The following EOMES variants were observed in gnomAD, a reference collection of about 807,000 sequenced individuals.
The protein encoded by EOMES is eomesodermin homolog.
A neutral mutation model predicts 61.0 loss-of-function variants in EOMES; 18 were observed. That is an observed-to-expected ratio of 0.30 (90% confidence interval 0.20 to 0.44). EOMES has a LOEUF of 0.44. Ranked by LOEUF, EOMES falls within the 20% of genes least tolerant of loss-of-function variation. The pLI, the probability that EOMES is intolerant of heterozygous loss-of-function variation, is 1.00. For missense variants in EOMES, 885 were observed against 939.2 expected (o/e 0.94, Z 0.75); for synonymous variants, 430 against 394.0 (o/e 1.09, Z -1.08).
chr3:27,722,351 T>A, upstream of EOMES: 1 of 1,430,154 alleles, frequency 7.0e-7, no homozygotes, highest in Non-Finnish European at 9.1e-7. Flanking sequence ...GGCCTTATTA[T>A]AAAGGCAGGA....
Position 27,720,214 on chromosome 3 carries a change from C to T in EOMES, c.993G>A (p.Gly331=), listed in dbSNP as rs775427213. ...CTTTGCCACAGGTCACCCATTTGCC[C>T]CCCTGGAAGCGCCAGTGGTTGGGGT... ...LADPNHWRFQ[G]GKWVTCGKAD... The change falls in exon 2 of 6, where the codon GGG becomes GGA. Residue 331 remains glycine (G), a synonymous_variant. Coordinates refer to ENST00000449599, the MANE Select transcript of EOMES (RefSeq NM_001278182.2). 9.9e-6 allele frequency: 16 copies of T among 1,608,670 alleles called. No individual in the cohort carries two copies. The South Asian group carries it at 1.8e-4, about 18-fold the overall frequency.
Position 27,717,846 on chromosome 3 carries a change from AC to A in EOMES, c.1380-39del, listed in dbSNP as rs376762087. 0.026 allele frequency: 30,936 copies of A among 1,193,212 alleles called. 63 individuals are homozygous for A. Among genetic ancestry groups the A allele is most frequent in the East Asian group, 0.11 (2,891 of 27,062 alleles). The allele number at this position is 1,193,212 out of a possible 1,614,324, so 73.9% of individuals were successfully genotyped here. A position where few individuals can be genotyped will look rare whatever the true frequency, so the allele number is the denominator to read the frequency against. On this transcript the variant is annotated intron_variant, in intron 5 of 5. Transcript: ENST00000449599. The surrounding 1 kb of genome is among the most constrained non-coding windows in gnomAD (Gnocchi z 4.5). ...GAGAAACACTTAAAAAAAAAAAAAA[AC>A]CCTAATGTTGTCCCCAAACAAACCA... is the stretch of plus-strand genomic sequence containing the variant.
chr3:27,722,105 C>T lies in EOMES; in HGVS notation c.190G>A (p.Val64Met). 1.2e-5 allele frequency: 18 copies of T among 1,549,354 alleles called. No individual in the cohort carries two copies. Among genetic ancestry groups the T allele is most frequent in the Non-Finnish European group, 1.5e-5 (17 of 1,146,680 alleles). ...KFSGSLSCEA[V>M]SGEPAAASAG... ...CTGGCGGCTGCGGGCTCCCCGCTCA[C>T]CGCCTCGCAGGAGAGACTGCCGGAA... is the stretch of plus-strand genomic sequence containing the variant. Residue 64 changes from valine to methionine, a missense_variant, in exon 1 of 6, where the codon GTG becomes ATG. By Grantham distance (21) the Val-to-Met change is conservative (BLOSUM62 1). This residue lies in a region of EOMES where 449 missense variants were observed against 383.6 expected (regional missense o/e 1.17). Transcript: ENST00000449599.
chr3:27,716,756 C>T lies in EOMES; in HGVS notation c.*314G>A, dbSNP rs1255658592. 7.0e-6 allele frequency: 2 copies of T among 285,476 alleles called. No homozygotes were observed. Among genetic ancestry groups the T allele is most frequent in the African/African-American group, 4.3e-5 (2 of 46,074 alleles). The allele number at this position is 285,476 out of a possible 1,614,324, so 17.7% of individuals were successfully genotyped here. ...TAACTCATCTGATAGCACTGGGCAC[C>T]CAATGTTCACAGCCTGCTTCTTTGA... On this transcript the variant is annotated 3_prime_UTR_variant, in exon 6 of 6. Transcript: ENST00000449599.
intron 5 of EOMES, among the ~76,000 whole-genome samples, chr3:27,718,354 T>G (rs1576802838): frequency 6.6e-6 from 1 of 152,086 alleles, no homozygotes; most frequent in African/African-American, 2.4e-5. Flanking sequence ...TTCACTCAAA[T>G]GCTAAAAAAA....
In EOMES at chr3:27,717,196, C is replaced by G. The variant is rs1222504829; in HGVS notation, c.1992G>C (p.Leu664=). Residue 664 remains leucine, a synonymous_variant, in exon 6 of 6, where the codon CTG becomes CTC. Coordinates refer to ENST00000449599, the MANE Select transcript of EOMES (RefSeq NM_001278182.2). The surrounding 1 kb of genome is among the most constrained non-coding windows in gnomAD (Gnocchi z 4.5). The part of the protein sequence containing the change: ...VYTSACKRRR[L]SPSNSSNENS... ...TTTCATTACTGGAGTTGCTAGGAGACAGCCGCCTTCGCTTACAAGCACTGG... is the reference window on the plus strand; with the variant it reads ...TTTCATTACTGGAGTTGCTAGGAGAGAGCCGCCTTCGCTTACAAGCACTGG... 1.9e-6 allele frequency: 3 copies of G among 1,614,116 alleles called. No individual in the cohort carries two copies. The highest frequency in any genetic ancestry group is 1.7e-5 in the Admixed American group (1 of 60,028).
Position 27,717,182 on chromosome 3 carries a change from G to A in EOMES, c.2006C>T (p.Ser669Phe). The A allele has an allele frequency of 1.2e-6, 2 of 1,613,932 alleles. No homozygotes were observed. Among genetic ancestry groups the A allele is most frequent in the Non-Finnish European group, 1.7e-6 (2 of 1,179,808 alleles). ...CKRRRLSPSN[S>F]SNENSPSIKC... is the part of the protein sequence containing the mutation. ...TATGGAGGGTGAATTTTCATTACTG[G>A]AGTTGCTAGGAGACAGCCGCCTTCG... The change falls in exon 6 of 6, where the codon TCC (serine) becomes TTC (phenylalanine). Residue 669 changes from serine (S) to phenylalanine (F), a missense_variant. Transcript: ENST00000449599. The surrounding 1 kb of genome is among the most constrained non-coding windows in gnomAD (Gnocchi z 4.5).
chr3:27,717,805 C>G lies in EOMES; in HGVS notation c.1383G>C (p.Met461Ile). Reference protein sequence around the residue: ...AKGFRDNYDSMYTASENDRLT... With the variant: ...AKGFRDNYDSIYTASENDRLT... The stretch of plus-strand genomic sequence containing the variant: ...ACCTGTCATTTTCTGAAGCGGTGTA[C>G]ATGCTACAATATAAAGAGAAACACT... Residue 461 changes from methionine to isoleucine, a missense_variant, in exon 6 of 6, where the codon ATG (methionine) becomes ATC (isoleucine). Met to Ile is a conservative substitution (Grantham distance 10, BLOSUM62 1). This residue lies in a region of EOMES where 177 missense variants were observed against 273.3 expected (regional missense o/e 0.65). Coordinates refer to ENST00000449599, the MANE Select transcript of EOMES (RefSeq NM_001278182.2). The surrounding 1 kb of genome is among the most constrained non-coding windows in gnomAD (Gnocchi z 4.5). 6.5e-7 allele frequency: 1 copy of G among 1,527,366 alleles called. No individual in the cohort carries two copies. Among genetic ancestry groups the G allele is most frequent in the Non-Finnish European group, 9.0e-7 (1 of 1,110,434 alleles). The allele number at this position is 1,527,366 out of a possible 1,614,324, so 94.6% of individuals were successfully genotyped here.
chr3:27,720,386 AGG>A, intron 1 of EOMES, 61 bp from the exon 2 acceptor site: 1 of 1,490,122 alleles, frequency 6.7e-7, no homozygotes, highest in Non-Finnish European at 9.4e-7. Flanking sequence ...GAACAGGCCC[AGG>A]CCCCAGCGGG....
chr3:27,721,449 G>A lies in EOMES; in HGVS notation c.846C>T (p.Arg282=). The part of the protein sequence containing the change: ...CNRPLWLKFH[R]HQTEMIITKQ... Reference sequence around the variant, plus strand: ...TCGTAATGATCATCTCAGTTTGGTGGCGGTGGAATTTGAGCCACAGAGGCC... The same window carrying A: ...TCGTAATGATCATCTCAGTTTGGTGACGGTGGAATTTGAGCCACAGAGGCC... The change falls in exon 1 of 6, where the codon CGC becomes CGT. Residue 282 remains arginine (R), a synonymous_variant. Coordinates refer to ENST00000449599, the MANE Select transcript of EOMES (RefSeq NM_001278182.2). The surrounding 1 kb of genome is among the most constrained non-coding windows in gnomAD (Gnocchi z 7.4). 3 of 1,613,566 alleles carry A rather than the reference G, an allele frequency of 1.9e-6. No homozygotes were observed. Among genetic ancestry groups the A allele is most frequent in the East Asian group, 4.5e-5 (2 of 44,842 alleles).
chr3:27,721,797 C>T lies in EOMES; in HGVS notation c.498G>A (p.Gln166=), dbSNP rs1330536668. The T allele has an allele frequency of 4.6e-6, 7 of 1,505,602 alleles. No individual in the cohort carries two copies. The highest frequency in any genetic ancestry group is 6.1e-6 in the Non-Finnish European group (7 of 1,138,728). The allele number at this position is 1,505,602 out of a possible 1,614,324, so 93.3% of individuals were successfully genotyped here. ...LAAPCSLFPY[Q]AAAGAPHGPV... is the part of the protein sequence containing the mutation. ...GTCCGTGGGGCGCCCCAGCCGCCGC[C>T]TGGTACGGGAAGAGTGAGCAGGGCG... The change falls in exon 1 of 6, where the codon CAG becomes CAA. Residue 166 remains glutamine (Q), a synonymous_variant. Coordinates refer to ENST00000449599, the MANE Select transcript of EOMES (RefSeq NM_001278182.2). This position sits in a 1 kb window ranked among gnomAD's most constrained non-coding sequence, Gnocchi z 7.4.
chr3:27,722,209 C>A lies in EOMES; in HGVS notation c.86G>T (p.Ser29Ile), dbSNP rs770946165. The change falls in exon 1 of 6, where the codon AGC becomes ATC. Residue 29 changes from serine to isoleucine, a missense_variant. Ser to Ile is a moderately radical substitution (Grantham distance 142). Around this residue, in one of 3 missense-constraint regions of EOMES, gnomAD observed 449 missense variants for 383.6 expected, o/e 1.17. Transcript: ENST00000449599. ...FYPLESARGG[S>I]GGSAGHLPSA... ...GGGGAGGTGGCCAGCGCTCCCGCCG[C>A]TGCCGCCTCGCGCACTCTCCAGCGG... 6.2e-7 allele frequency: 1 copy of A among 1,604,078 alleles called. No homozygotes were observed. The highest frequency in any genetic ancestry group is 8.5e-7 in the Non-Finnish European group (1 of 1,176,444).
Position 27,718,695 on chromosome 3 carries a change from C to A in EOMES, c.1317+40G>T, listed in dbSNP as rs774377658. On this transcript the variant is annotated intron_variant, in intron 4 of 5. Coordinates refer to ENST00000449599, the MANE Select transcript of EOMES (RefSeq NM_001278182.2). The stretch of plus-strand genomic sequence containing the variant: ...TCATTGAGTGATTTATCATGCTGGA[C>A]CTTAGCTTTAGAGATTCTTGAGATG... 3.5e-5 allele frequency: 56 copies of A among 1,613,248 alleles called. No individual in the cohort carries two copies. The East Asian group carries it at 1.2e-3, about 35-fold the overall frequency.
In EOMES at chr3:27,722,286, T is replaced by C; in HGVS notation, c.9A>G (p.Leu3=). MQ[L]GEQLLVSSVN... ...CTGAGCTCACCAAGAGCTGCTCCCC[T>C]AACTGCATGCTTTGCAAAGCGCAGA... is the stretch of plus-strand genomic sequence containing the variant. Residue 3 remains leucine (L), a synonymous_variant, in exon 1 of 6, where the codon TTA becomes TTG. Coordinates refer to ENST00000449599, the MANE Select transcript of EOMES (RefSeq NM_001278182.2). The C allele has an allele frequency of 1.9e-6, 3 of 1,579,138 alleles. No homozygotes were observed. Among genetic ancestry groups the C allele is most frequent in the Non-Finnish European group, 2.6e-6 (3 of 1,165,378 alleles).
At chr3:27,722,467 G>T (rs2060624736), upstream of EOMES, 3 of 1,357,466 alleles carry the variant, frequency 2.2e-6, no homozygotes, top group Admixed American at 3.9e-5. Flanking sequence ...GTACTGGCGC[G>T]CCCTGAATCC....
rs577245780 is a variant in EOMES, at chr3:27,716,109, G to A, written c.*961C>T. 6.6e-6 allele frequency: 1 copy of A among 152,274 alleles called. No homozygotes were observed. Among genetic ancestry groups the A allele is most frequent in the South Asian group, 2.1e-4 (1 of 4,818 alleles). The allele number at this position is 152,274 out of a possible 1,614,324, so 9.4% of individuals were successfully genotyped here. On this transcript the variant is annotated 3_prime_UTR_variant, in exon 6 of 6. Coordinates refer to ENST00000449599, the MANE Select transcript of EOMES (RefSeq NM_001278182.2). ...GGCGCAAGAAGAGGATGAAATAGGA[G>A]TTTTCCTTAAACACGGTTCAAGTTA...
rs1253810640 is a variant in EOMES at position 27,721,984 on chromosome 3, C to A, written c.311G>T (p.Arg104Leu). Residue 104 changes from arginine to leucine, a missense_variant, in exon 1 of 6, where the codon CGC (arginine) becomes CTC (leucine). Arg to Leu is a moderately radical substitution (Grantham distance 102, BLOSUM62 -2). Around this residue, in one of 3 missense-constraint regions of EOMES, gnomAD observed 449 missense variants for 383.6 expected, o/e 1.17. Transcript: ENST00000449599. The surrounding 1 kb of genome is among the most constrained non-coding windows in gnomAD (Gnocchi z 7.4). ...AVAKPGPPDG[R>L]KGSPCGEEEL... ...CTCCTCCCCGCAGGGGGAGCCCTTGCGGCCGTCCGGGGGCCCCGGCTTGGC... is the reference window on the plus strand; with the variant it reads ...CTCCTCCCCGCAGGGGGAGCCCTTGAGGCCGTCCGGGGGCCCCGGCTTGGC... 5 of 1,463,132 alleles carry A rather than the reference C, an allele frequency of 3.4e-6. No individual in the cohort carries two copies. Among genetic ancestry groups the A allele is most frequent in the Non-Finnish European group, 4.5e-6 (5 of 1,115,318 alleles). 90.6% of individuals were successfully genotyped at this position (1,463,132 alleles called of 1,614,324 possible). A position where few individuals can be genotyped will look rare whatever the true frequency, so the allele number is the denominator to read the frequency against.
At chr3:27,719,240 G>A (rs2060592267) in intron 3 of EOMES, 120 bp downstream of exon 3, 4 of 1,032,384 alleles carry the variant, frequency 3.9e-6, no homozygotes, top group Admixed American at 2.3e-5. Context: ...TTAGAAATAG[G>A]CGAGCAAACA....
intron 5 of EOMES, 134 bp downstream of exon 5, chr3:27,718,453 A>T (rs1273918135): frequency 1.1e-5 from 6 of 564,388 alleles, no homozygotes; most frequent in Non-Finnish European, 1.8e-5. Context: ...AAAGGAAAAA[A>T]TTTTGGAAAA....
Sources: allele counts gnomAD v4.1 joint callset (sites outside exome capture counted in the v4.1 genomes callset), GRCh38; gene constraint gnomAD v4.1.1; regional missense constraint gnomAD v4.1.1; non-coding constraint Gnocchi (gnomAD v3.1); transcripts MANE v1.5; gene names NCBI Gene and HGNC (gene_info 2026-07-23, HGNC 2026-07-21).